The following NREP variants were observed in gnomAD, a reference collection of about 807,000 sequenced individuals.
The protein encoded by NREP is neuronal regeneration-related protein.
In NREP, 5 loss-of-function variants were observed where a neutral mutation model predicts 8.6. The observed-to-expected ratio is 0.58, with a 90% CI of 0.30 to 1.22. NREP has a LOEUF of 1.22. Among genes scored for constraint, NREP ranks in the 50% most tolerant of loss-of-function variants. The pLI, the probability that NREP is intolerant of heterozygous loss-of-function variation, is 0.07. For missense variants in NREP, 86 were observed against 82.5 expected (o/e 1.04, Z -0.17); for synonymous variants, 27 against 28.0 (o/e 0.96, Z 0.11).
intron 2 of NREP, among the ~76,000 whole-genome samples, chr5:111,915,706 C>T (rs1380932245): frequency 6.6e-6 from 1 of 152,064 alleles, no homozygotes; most frequent in East Asian, 1.9e-4. Context: ...AACATATAAA[C>T]ATAAAACAAA....
At chr5:111,848,880 A>T (rs1047431332) in intron 2 of NREP, among the ~76,000 whole-genome samples, 6 of 152,152 alleles carry the variant, frequency 3.9e-5, no homozygotes, top group Non-Finnish European at 7.3e-5. Flanking sequence ...AATGGGCAGG[A>T]AATTTAGTGT....
intron 2 of NREP, among the ~76,000 whole-genome samples, chr5:111,859,314 AT>A (rs1241591841): frequency 6.6e-6 from 1 of 152,202 alleles, no homozygotes; most frequent in Admixed American, 6.5e-5. Flanking sequence ...AGCCAAAAAA[AT>A]CTCAGGCACA....
chr5:111,762,368 A>T (rs1424635899), upstream of NREP, among the ~76,000 whole-genome samples: 1 of 152,220 alleles, frequency 6.6e-6, no homozygotes, highest in South Asian at 2.1e-4. Flanking sequence ...ATGTTCCAGT[A>T]GCTATCTTTG....
intron 2 of NREP, among the ~76,000 whole-genome samples, chr5:111,930,850 C>G (rs75976528): frequency 0.099 from 15,010 of 152,116 alleles, 1,107 homozygotes; most frequent in African/African-American, 0.2. Flanking sequence ...AAGACAGAAG[C>G]CAGGTTAAGT....
intron 2 of NREP, among the ~76,000 whole-genome samples, chr5:111,847,016 G>A (rs561040970): frequency 1.3e-5 from 2 of 152,102 alleles, no homozygotes; most frequent in Admixed American, 6.5e-5. Context: ...TAAAGGCGAC[G>A]ACTGATGCCA....
At chr5:111,787,936 G>A (rs1355284449) in intron 2 of NREP, among the ~76,000 whole-genome samples, 1 of 152,002 alleles carries the variant, frequency 6.6e-6, no homozygotes, top group African/African-American at 2.4e-5. Flanking sequence ...TGTCTCTACA[G>A]AAATAAAAAG....
chr5:111,792,802 G>A (rs1751781506), intron 2 of NREP, among the ~76,000 whole-genome samples: 1 of 152,150 alleles, frequency 6.6e-6, no homozygotes, highest in South Asian at 2.1e-4. Context: ...TATTTCTGCT[G>A]GTGATTCAAC....
intron 2 of NREP, among the ~76,000 whole-genome samples, chr5:111,811,784 G>C (rs895807435): frequency 1.3e-5 from 2 of 152,010 alleles, no homozygotes; most frequent in African/African-American, 2.4e-5. Flanking sequence ...AATCACAAAG[G>C]GTTTTTTTCT....
chr5:111,885,556 A>G (rs1754220492), intron 2 of NREP, among the ~76,000 whole-genome samples: 1 of 152,192 alleles, frequency 6.6e-6, no homozygotes, highest in Admixed American at 6.5e-5. Flanking sequence ...GCATCACGCT[A>G]CCTGACTTCA....
chr5:111,759,451 C>G (rs1750909678), upstream of NREP, among the ~76,000 whole-genome samples: 1 of 149,054 alleles, frequency 6.7e-6, no homozygotes. Flanking sequence ...TGGAGACTTA[C>G]CATGTTACCA....
Position 111,914,724 on chromosome 5 carries a change from G to A in NREP, c.135+60550C>T, listed in dbSNP as rs540179065. ...TTGTCTCAGTGTTAATGTTTGTGACGCTGAGCACCTGTTCCCAACAAGCTG... is the reference window on the plus strand; with the variant it reads ...TTGTCTCAGTGTTAATGTTTGTGACACTGAGCACCTGTTCCCAACAAGCTG... On this transcript the variant is annotated intron_variant, in intron 2 of 3. Coordinates refer to the NREP transcript ENST00000395634. Among the ~76,000 whole-genome samples, 47 of 152,118 alleles carry A rather than the reference G, an allele frequency of 3.1e-4. No individual in the cohort carries two copies. In the South Asian group the frequency reaches 7.9e-3, roughly 26 times the overall value.
chr5:111,736,081 G>T (rs563453178), intron 2 of NREP, among the ~76,000 whole-genome samples: 1 of 152,234 alleles, frequency 6.6e-6, no homozygotes, highest in Non-Finnish European at 1.5e-5. Context: ...ACTAGCTGAT[G>T]AATTCGGTGG....
In NREP at chr5:111,881,275, G is replaced by C. The variant is rs551195663; in HGVS notation, c.135+93999C>G. On this transcript the variant is annotated intron_variant, in intron 2 of 3. Transcript: ENST00000395634. ...GCAAGGTGGCAGCCAGGCTGGGGGA[G>C]GGGTGCCCACCATTGCCCAGGCTTG... Among the ~76,000 whole-genome samples the C allele has an allele frequency of 1.1e-3, 162 of 152,294 alleles. 1 individual carries two copies. Among genetic ancestry groups the C allele is most frequent in the Non-Finnish European group, 7.5e-4 (51 of 68,016 alleles).
At chr5:111,757,925 C>G, upstream of NREP, 3 of 985,534 alleles carry the variant, frequency 3.0e-6, no homozygotes, top group Non-Finnish European at 3.6e-6. Context: ...GGCGGCGCGG[C>G]CCGTACTGTA....
chr5:111,881,551 C>A (rs945749978), intron 2 of NREP, among the ~76,000 whole-genome samples: 4 of 152,134 alleles, frequency 2.6e-5, no homozygotes, highest in Non-Finnish European at 2.9e-5. Flanking sequence ...GACCCCTGAC[C>A]CCCAAGCAGT....
At chr5:111,742,885 G>A (rs1055019267) in intron 2 of NREP, among the ~76,000 whole-genome samples, 1 of 152,078 alleles carries the variant, frequency 6.6e-6, no homozygotes, top group African/African-American at 2.4e-5. Flanking sequence ...CACTGATCGA[G>A]GAATTCTCAG....
intron 2 of NREP, among the ~76,000 whole-genome samples, chr5:111,905,121 A>C (rs1244710230): frequency 1.3e-5 from 2 of 152,108 alleles, no homozygotes; most frequent in Non-Finnish European, 2.9e-5. Context: ...TATTTCTCCT[A>C]TATGCCTTTT....
In NREP at chr5:111,773,840, T is replaced by C. The variant is rs1463021792; in HGVS notation, c.136-38333A>G. ...CTGGCACACAGAGTTTTATGTGTTCTCTCCCTGGTACCCTGCTTGTAGAGA... is the reference window on the plus strand; with the variant it reads ...CTGGCACACAGAGTTTTATGTGTTCCCTCCCTGGTACCCTGCTTGTAGAGA... On this transcript the variant is annotated intron_variant, in intron 2 of 3. Transcript: ENST00000395634. Among the ~76,000 whole-genome samples, 3 of 152,250 alleles carry C rather than the reference T, an allele frequency of 2.0e-5. No individual in the cohort carries two copies. In the East Asian group the frequency reaches 5.8e-4, roughly 29 times the overall value.
intron 2 of NREP, among the ~76,000 whole-genome samples, chr5:111,770,648 ACAGCC>A (rs1751197710): frequency 7.3e-6 from 1 of 136,844 alleles, no homozygotes; most frequent in Non-Finnish European, 1.5e-5. Context: ...ACGGCTCACT[ACAGCC>A]TCCCCCTCCC....
Sources: allele counts gnomAD v4.1 joint callset (sites outside exome capture counted in the v4.1 genomes callset), GRCh38; gene constraint gnomAD v4.1.1; transcripts MANE v1.5; gene names NCBI Gene and HGNC (gene_info 2026-07-23, HGNC 2026-07-21).